Variants in NKAIN3 observed in about 807,000 individuals in gnomAD.
NKAIN3 encodes sodium/potassium transporting ATPase interacting 3, also known as sodium/potassium-transporting ATPase subunit beta-1-interacting protein 3.
NKAIN3 carries 25 observed loss-of-function variants against 30.2 expected under a neutral mutation model. The ratio of observed to expected loss-of-function variants is 0.83; its 90% confidence interval spans 0.60 to 1.16. The LOEUF (loss-of-function observed/expected upper bound fraction) is 1.16, where lower values mean the gene tolerates loss of function less well. Among genes scored for constraint, NKAIN3 ranks in the 50% most tolerant of loss-of-function variants. The probability of loss-of-function intolerance (pLI) is 0.00; values close to 1 mark genes in which losing one functional copy is unlikely to be tolerated. For missense variants in NKAIN3, 225 were observed against 254.1 expected (o/e 0.89, Z 0.78); for synonymous variants, 91 against 89.6 (o/e 1.02, Z -0.09).
At chr8:62,385,498 A>G (rs1817400279) in intron 1 of NKAIN3, among the ~76,000 whole-genome samples, 1 of 152,204 alleles carries the variant, frequency 6.6e-6, no homozygotes, top group African/African-American at 2.4e-5. Flanking sequence ...CACAGTTAAC[A>G]TGGGGAAGAG....
chr8:62,907,884 A>T (rs1402409173), intron 4 of NKAIN3, among the ~76,000 whole-genome samples: 1 of 152,222 alleles, frequency 6.6e-6, no homozygotes, highest in Non-Finnish European at 1.5e-5. Context: ...GGGAATCCCC[A>T]CACAGAGTCA....
chr8:62,660,815 G>A (rs891957032), intron 3 of NKAIN3, among the ~76,000 whole-genome samples: 2 of 152,186 alleles, frequency 1.3e-5, no homozygotes, highest in African/African-American at 4.8e-5. Context: ...ACATACCTCA[G>A]CCAAAGGAGA....
At chr8:62,885,407 T>A (rs62510842) in intron 4 of NKAIN3, among the ~76,000 whole-genome samples, 45,911 of 152,066 alleles carry the variant, frequency 0.3, 7,675 homozygotes, top group East Asian at 0.64. Context: ...CAGAATTTGT[T>A]CTTTCCTGCT....
intron 3 of NKAIN3, among the ~76,000 whole-genome samples, chr8:62,651,530 C>T (rs1812617522): frequency 6.6e-6 from 1 of 152,150 alleles, no homozygotes; most frequent in African/African-American, 2.4e-5. Flanking sequence ...AATTTATTCC[C>T]ACTGTTTTAG....
chr8:62,998,380 A>G (rs553586576), intron 5 of NKAIN3, among the ~76,000 whole-genome samples: 3 of 151,928 alleles, frequency 2.0e-5, no homozygotes, highest in African/African-American at 7.2e-5. Flanking sequence ...GGTTCAAGTG[A>G]TTCTCGTGCC....
intron 5 of NKAIN3, 49 bp from the exon 6 acceptor site, chr8:62,953,853 A>G (rs1446131368): frequency 1.6e-5 from 7 of 439,544 alleles, no homozygotes; most frequent in African/African-American, 1.5e-4. Context: ...CATTAGTATT[A>G]TGTGTATTTT....
chr8:62,834,136 T>TA (rs1208599663), intron 4 of NKAIN3, among the ~76,000 whole-genome samples: 4 of 152,024 alleles, frequency 2.6e-5, no homozygotes, highest in Non-Finnish European at 4.4e-5. Flanking sequence ...GGCTTTATGA[T>TA]AAAAACACTC....
intron 4 of NKAIN3, among the ~76,000 whole-genome samples, chr8:62,807,799 A>G (rs1818349999): frequency 6.7e-6 from 1 of 149,328 alleles, no homozygotes; most frequent in African/African-American, 2.4e-5. Flanking sequence ...ACATATATAT[A>G]TATATATTTG....
At chr8:62,346,515 A>G (rs1225377450) in intron 1 of NKAIN3, among the ~76,000 whole-genome samples, 1 of 152,150 alleles carries the variant, frequency 6.6e-6, no homozygotes, top group Non-Finnish European at 1.5e-5. Flanking sequence ...TCTTGGAAAT[A>G]ATTTATCACA....
intron 4 of NKAIN3, among the ~76,000 whole-genome samples, chr8:62,761,086 T>G (rs1288115729): frequency 6.6e-6 from 1 of 152,172 alleles, no homozygotes; most frequent in African/African-American, 2.4e-5. Flanking sequence ...ATTTTTTAAT[T>G]TTTCTTTTCT....
chr8:62,576,218 G>T (rs2130043228), intron 1 of NKAIN3, among the ~76,000 whole-genome samples: 1 of 152,170 alleles, frequency 6.6e-6, no homozygotes, highest in Non-Finnish European at 1.5e-5. Flanking sequence ...CTACCCATCT[G>T]ACAAAGGGTT....
chr8:62,435,598 C>G (rs1350244954), intron 1 of NKAIN3, among the ~76,000 whole-genome samples: 1 of 152,142 alleles, frequency 6.6e-6, no homozygotes. Flanking sequence ...TAGTCACATT[C>G]ATGCCTGTGA....
Position 62,970,608 on chromosome 8 carries a change from G to T in NKAIN3, c.*5201G>T, listed in dbSNP as rs1229927552. ...GTTAAGTAAAAAGAAGAAAAGAATA[G>T]AAGGTAGAAAGGAAGGGAGAGGAAA... On this transcript the variant is annotated 3_prime_UTR_variant, in exon 7 of 7. Coordinates refer to ENST00000623646, the MANE Select transcript of NKAIN3 (RefSeq NM_001304533.3). Among the ~76,000 whole-genome samples the T allele has an allele frequency of 3.9e-5, 6 of 152,046 alleles. No individual in the cohort carries two copies. Among genetic ancestry groups the T allele is most frequent in the Non-Finnish European group, 8.8e-5 (6 of 68,016 alleles).
intron 1 of NKAIN3, among the ~76,000 whole-genome samples, chr8:62,563,100 G>A: frequency 6.6e-6 from 1 of 152,096 alleles, no homozygotes; most frequent in Non-Finnish European, 1.5e-5. Flanking sequence ...CTGGAGAGTT[G>A]AAATTCAATC....
chr8:62,474,174 G>A (rs556715474), intron 1 of NKAIN3: 1 of 152,262 alleles, frequency 6.6e-6, no homozygotes, highest in East Asian at 1.9e-4. Flanking sequence ...TCATTCATGT[G>A]ATCAAACCCC....
intron 1 of NKAIN3, among the ~76,000 whole-genome samples, chr8:62,293,415 G>A (rs1813718707): frequency 6.6e-6 from 1 of 152,050 alleles, no homozygotes; most frequent in Non-Finnish European, 1.5e-5. Context: ...ATGGGGTTTT[G>A]GAGTGGATGC....
intron 1 of NKAIN3, among the ~76,000 whole-genome samples, chr8:62,368,814 T>C (rs567422290): frequency 1.1e-5 from 1 of 87,400 alleles, no homozygotes; most frequent in Admixed American, 1.2e-4. Flanking sequence ...CTTTAAAAAC[T>C]TTTTCTTGTT....
intron 4 of NKAIN3, among the ~76,000 whole-genome samples, chr8:62,789,474 T>C (rs931509686): frequency 2.0e-5 from 3 of 152,172 alleles, no homozygotes; most frequent in African/African-American, 4.8e-5. Context: ...TCACGTCATC[T>C]GAAAACAGGG....
intron 3 of NKAIN3, among the ~76,000 whole-genome samples, chr8:62,663,245 G>C (rs779059695): frequency 6.6e-6 from 1 of 152,208 alleles, no homozygotes; most frequent in Admixed American, 6.5e-5. Flanking sequence ...AGTGGTTCTT[G>C]AGAAGGAGAG....
Sources: gnomAD v4.1 joint callset for allele counts (sites outside exome capture counted in the v4.1 genomes callset) on GRCh38, gnomAD v4.1.1 for gene constraint, MANE v1.5 for transcripts, NCBI Gene and HGNC (gene_info 2026-07-23, HGNC 2026-07-21) for gene names.